PCDHA1: variants seen among roughly 807,000 people sequenced by gnomAD.
PCDHA1 encodes the protein protocadherin alpha-1.
Under a neutral mutation model 61.3 loss-of-function variants are expected in PCDHA1, and 42 were observed. The ratio of observed to expected loss-of-function variants is 0.69; its 90% CI spans 0.54 to 0.89. The LOEUF is 0.89. Among genes scored for constraint, PCDHA1 ranks in the 40% least tolerant of loss-of-function variants. The pLI is 0.00. For missense variants in PCDHA1, 1,256 were observed against 1,235.3 expected (o/e 1.02, Z -0.25); for synonymous variants, 610 against 553.8 (o/e 1.10, Z -1.43).
At chr5:140,813,432 C>T (rs2126646419) in intron 1 of PCDHA1, 3 of 152,172 alleles carry the variant, frequency 2.0e-5, no homozygotes, top group Non-Finnish European at 2.9e-5. Flanking sequence ...GTACTGAATA[C>T]TATAGGGAAT....
intron 1 of PCDHA1, chr5:140,877,193 G>C: frequency 6.2e-7 from 1 of 1,613,832 alleles, no homozygotes; most frequent in Non-Finnish European, 8.5e-7. Flanking sequence ...GGCAGCGCAG[G>C]AGGCGCAGTT....
intron 1 of PCDHA1, chr5:140,883,058 C>T (rs782098362): frequency 6.2e-7 from 1 of 1,614,074 alleles, no homozygotes; most frequent in Admixed American, 1.7e-5. Flanking sequence ...AGTGATCAAG[C>T]TAAATGCCAC....
chr5:140,932,875 T>G (rs935730456), intron 1 of PCDHA1, among the ~76,000 whole-genome samples: 9 of 151,998 alleles, frequency 5.9e-5, no homozygotes, highest in African/African-American at 1.7e-4. Flanking sequence ...TTTGTTGTCT[T>G]CAATATTTTC....
In PCDHA1 at chr5:140,787,812, G is replaced by T. The variant is rs1167626504; in HGVS notation, c.1522G>T (p.Val508Leu). The T allele has an allele frequency of 3.1e-6, 5 of 1,612,586 alleles. No individual in the cohort carries two copies. Among genetic ancestry groups the T allele is most frequent in the Non-Finnish European group, 4.2e-6 (5 of 1,179,766 alleles). Reference sequence around the variant, plus strand: ...GGGCGAGCGCGCGCTGTCGAACTACGTGTCAGTGCACGCGGAGAGCGGCAA... The same window carrying T: ...GGGCGAGCGCGCGCTGTCGAACTACTTGTCAGTGCACGCGGAGAGCGGCAA... ...RVGERALSNY[V>L]SVHAESGKVY... is the part of the protein sequence containing the mutation. The change falls in exon 1 of 4, where the codon GTG (valine) becomes TTG (leucine). Residue 508 changes from valine (V) to leucine (L), a missense_variant. Physicochemically the swap from Val to Leu is conservative, Grantham distance 32 (BLOSUM62 1). Transcript: ENST00000504120.
chr5:140,877,256 G>C lies in PCDHA1; in HGVS notation c.2394+88572G>C, dbSNP rs782364296. 2.5e-6 allele frequency: 4 copies of C among 1,613,628 alleles called. No homozygotes were observed. In the African/African-American group the frequency reaches 5.3e-5, roughly 22 times the overall value. On this transcript the variant is annotated intron_variant, in intron 1 of 3. Transcript: ENST00000504120. Reference sequence around the variant, plus strand: ...GCGGGCCACGTGGTGGCGAAAGTGCGCGCGGTGGACGCTGACTCCGGCTAT... The same window carrying C: ...GCGGGCCACGTGGTGGCGAAAGTGCCCGCGGTGGACGCTGACTCCGGCTAT...
In PCDHA1 at chr5:140,802,576, A is replaced by G. The variant is rs781885871; in HGVS notation, c.2394+13892A>G. 5.0e-6 allele frequency: 8 copies of G among 1,613,822 alleles called. No individual in the cohort carries two copies. Among genetic ancestry groups the G allele is most frequent in the Non-Finnish European group, 6.8e-6 (8 of 1,179,996 alleles). ...GCGCCGGCATTCTCGCAGTCCGAGT[A>G]CACGGTGTTCGTGAAGGAGAACAAC... On this transcript the variant is annotated intron_variant, in intron 1 of 3. Transcript: ENST00000504120.
At chr5:140,883,333 G>T (rs1554177722) in intron 1 of PCDHA1, 1 of 1,614,066 alleles carries the variant, frequency 6.2e-7, no homozygotes, top group Non-Finnish European at 8.5e-7. Flanking sequence ...TCACTTCTTT[G>T]TCACTCCCCA....
In PCDHA1 at chr5:140,787,975, C is replaced by T; in HGVS notation, c.1685C>T (p.Ala562Val). 9.3e-6 allele frequency: 15 copies of T among 1,614,000 alleles called. No homozygotes were observed. Among genetic ancestry groups the T allele is most frequent in the East Asian group, 2.2e-5 (1 of 44,884 alleles). ...TTCGTGCTGGACGAGAACGACAACG[C>T]GCCGGCGCTGCTGGCGCCTCGAGTG... The part of the protein sequence containing the change: ...QVFVLDENDN[A>V]PALLAPRVGG... The change falls in exon 1 of 4, where the codon GCG (alanine) becomes GTG (valine). Residue 562 changes from alanine to valine, a missense_variant. Coordinates refer to ENST00000504120, the MANE Select transcript of PCDHA1 (RefSeq NM_018900.4).
intron 1 of PCDHA1, chr5:140,804,513 C>T (rs1763402270): frequency 6.6e-6 from 1 of 152,026 alleles, no homozygotes; most frequent in South Asian, 2.1e-4. Context: ...TTAAAACTAT[C>T]CCTACTAGCA....
chr5:140,901,168 C>G (rs782138220), intron 1 of PCDHA1, among the ~76,000 whole-genome samples: 8 of 152,010 alleles, frequency 5.3e-5, no homozygotes, highest in Non-Finnish European at 8.8e-5. Flanking sequence ...GTTGTCTCTT[C>G]ACTTTGTTGA....
rs782610584 is a variant in PCDHA1 at position 140,883,582 on chromosome 5, G to C, written c.2394+94898G>C. 38 of 1,613,902 alleles carry C rather than the reference G, an allele frequency of 2.4e-5. No homozygotes were observed. The African/African-American group carries it at 3.7e-4, about 16-fold the overall frequency. ...GGGGCTCGCCTTCGCTGTGGGCCAC[G>C]GCCAGCGTGTCGGTGGGGGTGGCCG... is the stretch of plus-strand genomic sequence containing the variant. On this transcript the variant is annotated intron_variant, in intron 1 of 3. Transcript: ENST00000504120.
intron 1 of PCDHA1, among the ~76,000 whole-genome samples, chr5:140,960,717 T>G (rs367185): frequency 9.9e-5 from 3 of 30,264 alleles, no homozygotes; most frequent in African/African-American, 2.5e-4. Flanking sequence ...ATACTCATCT[T>G]ATTTTAGTCC....
At chr5:140,877,332 C>G (rs2057040352) in intron 1 of PCDHA1, 16 of 1,613,990 alleles carry the variant, frequency 9.9e-6, no homozygotes, top group Non-Finnish European at 1.4e-5. Flanking sequence ...GCGCGCACAT[C>G]CCGTTCCACG....
intron 1 of PCDHA1, chr5:140,857,907 C>G (rs1250345336): frequency 1.3e-6 from 2 of 1,597,680 alleles, no homozygotes. Flanking sequence ...GCACGCATCC[C>G]GTTTCGCGTG....
At chr5:140,970,693 G>C (rs2096425356) in intron 1 of PCDHA1, among the ~76,000 whole-genome samples, 1 of 152,134 alleles carries the variant, frequency 6.6e-6, no homozygotes, top group South Asian at 2.1e-4. Flanking sequence ...AGGGCTTTTA[G>C]AGCTACTACA....
rs782731784 is a variant in PCDHA1, at chr5:140,857,723, G to A, written c.2394+69039G>A. 2.5e-6 allele frequency: 4 copies of A among 1,597,400 alleles called. No individual in the cohort carries two copies. Among genetic ancestry groups the A allele is most frequent in the Admixed American group, 1.7e-5 (1 of 59,286 alleles). On this transcript the variant is annotated intron_variant, in intron 1 of 3. Transcript: ENST00000504120. ...GCAGGTGTTCGTGCTGGACGAGAAC[G>A]ACAACGCTCCCGCGCTGCTGGCGTC...
At chr5:140,841,726 A>G (rs1777447763) in intron 1 of PCDHA1, 1 of 1,613,794 alleles carries the variant, frequency 6.2e-7, no homozygotes, top group African/African-American at 1.3e-5. Flanking sequence ...TGTTCCGGGT[A>G]AAAGACCAAA....
intron 3 of PCDHA1, among the ~76,000 whole-genome samples, chr5:141,008,053 C>T (rs1554261648): frequency 6.6e-6 from 1 of 152,056 alleles, no homozygotes; most frequent in African/African-American, 2.4e-5. Context: ...AACAGGGGTC[C>T]AGTCCATCTA....
intron 1 of PCDHA1, among the ~76,000 whole-genome samples, chr5:140,924,437 T>C (rs2081836231): frequency 6.6e-6 from 1 of 152,206 alleles, no homozygotes; most frequent in Non-Finnish European, 1.5e-5. Flanking sequence ...CTAGAAGAGA[T>C]AACGAATGGG....
Sources: gnomAD v4.1 joint callset for allele counts (sites outside exome capture counted in the v4.1 genomes callset) on GRCh38, gnomAD v4.1.1 for gene constraint, MANE v1.5 for transcripts, NCBI Gene and HGNC (gene_info 2026-07-23, HGNC 2026-07-21) for gene names.